ABTB2: variants seen among roughly 807,000 people sequenced by gnomAD.
ABTB2 encodes the protein ankyrin repeat and BTB domain containing 2.
In ABTB2, 56 loss-of-function variants were observed where a neutral mutation model predicts 104.1. The ratio of observed to expected loss-of-function variants is 0.54; its 90% CI spans 0.43 to 0.67. The LOEUF (loss-of-function observed/expected upper bound fraction) is 0.67, where lower values mean the gene tolerates loss of function less well. ABTB2 is among the 30% of genes least tolerant of loss of function. ABTB2 has a pLI of 0.00. For missense variants in ABTB2, 1,279 were observed against 1,407.7 expected, an observed-to-expected ratio of 0.91 and a Z score of 1.46; for synonymous variants, 606 against 608.2, an observed-to-expected ratio of 1.00 and a Z score of 0.05.
intron 3 of ABTB2, among the ~76,000 whole-genome samples, chr11:34,180,829 C>G (rs750165763): frequency 1.8e-4 from 28 of 152,292 alleles, no homozygotes; most frequent in Non-Finnish European, 3.8e-4. Flanking sequence ...CCTAAGGCCC[C>G]TCAATGGAAC....
intron 3 of ABTB2, among the ~76,000 whole-genome samples, chr11:34,184,301 G>C (rs893369792): frequency 6.6e-6 from 1 of 152,214 alleles, no homozygotes; most frequent in Non-Finnish European, 1.5e-5. Flanking sequence ...TGTTCCAAAT[G>C]CAACAACTTC....
At chr11:34,289,043 G>A (rs1854536431) in intron 1 of ABTB2, among the ~76,000 whole-genome samples, 1 of 152,168 alleles carries the variant, frequency 6.6e-6, no homozygotes, top group South Asian at 2.1e-4. Flanking sequence ...CTGAAAAACT[G>A]CCTCTGCTCT....
intron 1 of ABTB2, among the ~76,000 whole-genome samples, chr11:34,226,535 A>G (rs184508299): frequency 4.6e-4 from 70 of 152,340 alleles, no homozygotes; most frequent in African/African-American, 1.7e-3. Flanking sequence ...TAACCTGAGA[A>G]GTTAAGCTAC....
At chr11:34,179,634 T>A (rs963028696) in intron 3 of ABTB2, among the ~76,000 whole-genome samples, 1 of 152,250 alleles carries the variant, frequency 6.6e-6, no homozygotes, top group African/African-American at 2.4e-5. Context: ...ACTTGCTCTA[T>A]AACCTTGGGC....
Position 34,154,690 on chromosome 11 carries a change from C to T in ABTB2, c.2766+11G>A. The T allele has an allele frequency of 1.2e-6, 2 of 1,614,094 alleles. No individual in the cohort carries two copies. Among genetic ancestry groups the T allele is most frequent in the Non-Finnish European group, 1.7e-6 (2 of 1,179,932 alleles). ...CTAGCCCAGGCCCCCTCCCCCTCTC[C>T]CGAGTCTCACCTCCAGGATGTCAGT... On this transcript the variant is annotated intron_variant, in intron 15 of 16. Transcript: ENST00000435224. The surrounding 1 kb of genome is among the most constrained non-coding windows in gnomAD (Gnocchi z 4.9).
intron 16 of ABTB2, among the ~76,000 whole-genome samples, chr11:34,153,265 T>C (rs1027232250): frequency 4.6e-5 from 7 of 152,134 alleles, no homozygotes; most frequent in Non-Finnish European, 1.0e-4. Context: ...GGGCAGGACC[T>C]TGGGGGCCTT....
intron 1 of ABTB2, among the ~76,000 whole-genome samples, chr11:34,296,360 T>C (rs752751323): frequency 2.5e-4 from 38 of 151,786 alleles, no homozygotes; most frequent in Non-Finnish European, 4.1e-4. Context: ...TCATGGACAG[T>C]GGAAGATCCT....
chr11:34,267,216 C>T (rs1168733424), intron 1 of ABTB2, among the ~76,000 whole-genome samples: 3 of 152,246 alleles, frequency 2.0e-5, no homozygotes, highest in East Asian at 3.9e-4. Flanking sequence ...TCTGGGTGCT[C>T]GAGAGGCGGC....
intron 1 of ABTB2, among the ~76,000 whole-genome samples, chr11:34,273,738 GCA>G (rs1346385450): frequency 6.6e-6 from 1 of 152,088 alleles, no homozygotes; most frequent in Non-Finnish European, 1.5e-5. Context: ...TAGTACTGGG[GCA>G]ACGATCTAGA....
intron 2 of ABTB2, among the ~76,000 whole-genome samples, chr11:34,200,418 A>G (rs1481416192): frequency 6.6e-6 from 1 of 152,216 alleles, no homozygotes; most frequent in Non-Finnish European, 1.5e-5. Flanking sequence ...CAGAAAAACC[A>G]CGAAGGCAGC....
intron 1 of ABTB2, among the ~76,000 whole-genome samples, chr11:34,241,819 A>C (rs1853919867): frequency 6.6e-6 from 1 of 152,202 alleles, no homozygotes; most frequent in South Asian, 2.1e-4. Flanking sequence ...TAACATGTAA[A>C]TGTTTCCCCC....
chr11:34,257,354 G>A (rs12364025), intron 1 of ABTB2, among the ~76,000 whole-genome samples: 75 of 152,296 alleles, frequency 4.9e-4, no homozygotes, highest in African/African-American at 7.0e-4. Flanking sequence ...AACCCAGAGC[G>A]CCACATCTCC....
At chr11:34,171,129 A>T (rs1852869216) in intron 4 of ABTB2, 58 bp from the exon 5 acceptor site, 2 of 1,565,752 alleles carry the variant, frequency 1.3e-6, no homozygotes, top group Middle Eastern at 1.7e-4. Flanking sequence ...ACTTTCAATG[A>T]TGTGACACAC....
chr11:34,292,847 C>T (rs1378737045), intron 1 of ABTB2, among the ~76,000 whole-genome samples: 1 of 152,126 alleles, frequency 6.6e-6, no homozygotes, highest in African/African-American at 2.4e-5. Flanking sequence ...TACAAACCCC[C>T]AGAGGGTGGT....
At chr11:34,186,115 G>A (rs1311767572) in intron 3 of ABTB2, among the ~76,000 whole-genome samples, 2 of 152,228 alleles carry the variant, frequency 1.3e-5, no homozygotes, top group African/African-American at 4.8e-5. Flanking sequence ...GCACCGCTCC[G>A]CCCAACCTCC....
At position 34,306,236 on chromosome 11, in the gene ABTB2, ATTTTTTTTTTTTTT is replaced by A. The variant is rs34872949; in HGVS notation, c.883+50451_883+50464del. ...TCCCACTAGCTGCCTGGAAAGTTTG[ATTTTTTTTTTTTTT>A]TTTTTTTTTTTTTTTGAGACGGAGT... On this transcript the variant is annotated intron_variant, in intron 1 of 16. Transcript: ENST00000435224. Among the ~76,000 whole-genome samples the A allele has an allele frequency of 2.2e-4, 16 of 71,972 alleles. No individual in the cohort carries two copies. In the South Asian group the frequency reaches 7.8e-3, roughly 35 times the overall value. The allele number at this position is 71,972 out of a possible 152,430, so 47.2% of individuals were successfully genotyped here.
intron 1 of ABTB2, among the ~76,000 whole-genome samples, chr11:34,342,471 G>A (rs1211105725): frequency 1.3e-5 from 2 of 152,188 alleles, no homozygotes; most frequent in East Asian, 3.8e-4. Flanking sequence ...AGGACAGGAG[G>A]CCACAGGGCA....
intron 1 of ABTB2, among the ~76,000 whole-genome samples, chr11:34,232,666 G>C (rs1007638250): frequency 6.6e-5 from 10 of 152,008 alleles, no homozygotes; most frequent in Admixed American, 5.2e-4. Flanking sequence ...TCGAGCCCTT[G>C]GCCTTGGGTG....
At chr11:34,289,601 C>T (rs567886109) in intron 1 of ABTB2, among the ~76,000 whole-genome samples, 1 of 152,266 alleles carries the variant, frequency 6.6e-6, no homozygotes, top group East Asian at 1.9e-4. Context: ...AAACTAATGG[C>T]ATTTCTCATG....
Sources: gnomAD v4.1 joint callset for allele counts (sites outside exome capture counted in the v4.1 genomes callset) on GRCh38, gnomAD v4.1.1 for gene constraint, Gnocchi (gnomAD v3.1) non-coding constraint, MANE v1.5 for transcripts, NCBI Gene and HGNC (gene_info 2026-07-23, HGNC 2026-07-21) for gene names.